Variants in NRXN1 observed in about 807,000 individuals in gnomAD.
NRXN1 encodes the protein neurexin 1.
NRXN1 carries 39 observed loss-of-function variants against 150.9 expected under a neutral mutation model. The observed-to-expected ratio is 0.26, with a 90% confidence interval of 0.20 to 0.34. The LOEUF (loss-of-function observed/expected upper bound fraction) is 0.34, where lower values mean the gene tolerates loss of function less well. NRXN1 is among the 10% of genes least tolerant of loss of function. The pLI is 1.00. For synonymous variants in NRXN1, 924 were observed against 757.0 expected (o/e 1.22, Z -3.62); for missense variants, 1,815 against 1,949.9 (o/e 0.93, Z 1.30).
intron 18 of NRXN1, among the ~76,000 whole-genome samples, chr2:50,191,667 A>G (rs566440471): frequency 6.6e-6 from 1 of 152,316 alleles, no homozygotes; most frequent in South Asian, 2.1e-4. Context: ...ATGTCTTCTA[A>G]CTGGAATCAT....
chr2:50,292,339 T>C (rs2073027884), intron 17 of NRXN1, among the ~76,000 whole-genome samples: 2 of 152,152 alleles, frequency 1.3e-5, no homozygotes, highest in African/African-American at 4.8e-5. Flanking sequence ...AGTTGAGGGG[T>C]TATGACAGAG....
chr2:50,975,838 G>A (rs2104827890), intron 2 of NRXN1, among the ~76,000 whole-genome samples: 1 of 152,126 alleles, frequency 6.6e-6, no homozygotes, highest in Non-Finnish European at 1.5e-5. Context: ...CATGGGAAGG[G>A]CTAACCCAAG....
At chr2:50,256,688 C>T (rs112558052) in intron 17 of NRXN1, among the ~76,000 whole-genome samples, 27 of 152,238 alleles carry the variant, frequency 1.8e-4, no homozygotes, top group South Asian at 6.2e-4. Context: ...AGATAGATAA[C>T]TGCGTAGAGC....
In NRXN1 at chr2:50,278,266, A is replaced by ATATATATATAT. The variant is rs1273517072; in HGVS notation, c.3365-41297_3365-41296insATATATATATA. Among the ~76,000 whole-genome samples, 231 of 92,458 alleles carry ATATATATATAT rather than the reference A, an allele frequency of 2.5e-3. 1 individual carries two copies. The highest frequency in any genetic ancestry group is 9.2e-3 in the African/African-American group (209 of 22,716). 60.7% of individuals were successfully genotyped at this position (92,458 alleles called of 152,430 possible). A position where few individuals can be genotyped will look rare whatever the true frequency, so the allele number is the denominator to read the frequency against. ...AATATATATATATATTATATATATTATATATGTATTATATATATAATACAT... is the reference window on the plus strand; with the variant it reads ...AATATATATATATATTATATATATTATATATATATATTATATGTATTATATATATAATACAT... On this transcript the variant is annotated intron_variant, in intron 17 of 22. Transcript: ENST00000401669.
At chr2:50,488,946 T>A (rs532996811) in intron 15 of NRXN1, among the ~76,000 whole-genome samples, 14 of 152,184 alleles carry the variant, frequency 9.2e-5, no homozygotes, top group Non-Finnish European at 1.3e-4. Flanking sequence ...TGAGGTCTTG[T>A]GAGCAGTCAC....
intron 15 of NRXN1, among the ~76,000 whole-genome samples, chr2:50,493,854 AC>A (rs2091405484): frequency 6.6e-6 from 1 of 152,222 alleles, no homozygotes; most frequent in Non-Finnish European, 1.5e-5. Flanking sequence ...TTAAAAAAAC[AC>A]AAGTACACTG....
rs1695616277 is a variant in NRXN1 at position 50,975,110 on chromosome 2, C to G, written c.773-49155G>C. On this transcript the variant is annotated intron_variant, in intron 2 of 22. Transcript: ENST00000401669. ...CATTTGTCTCATTCACTCTCAACAT[C>G]TTGCAAATGTATACTAGTGTTTTCC... Among the ~76,000 whole-genome samples, 3 of 152,184 alleles carry G rather than the reference C, an allele frequency of 2.0e-5. No homozygotes were observed. In the South Asian group the frequency reaches 6.2e-4, roughly 32 times the overall value.
chr2:50,685,110 T>G (rs1340876406), intron 5 of NRXN1, among the ~76,000 whole-genome samples: 2 of 152,244 alleles, frequency 1.3e-5, no homozygotes, highest in Non-Finnish European at 2.9e-5. Context: ...GTTTATATAC[T>G]AAAACTACAC....
At chr2:50,377,991 C>G (rs2080652441) in intron 17 of NRXN1, among the ~76,000 whole-genome samples, 1 of 152,172 alleles carries the variant, frequency 6.6e-6, no homozygotes, top group African/African-American at 2.4e-5. Context: ...ACAATATCAT[C>G]TAGCTCTCTG....
intron 19 of NRXN1, among the ~76,000 whole-genome samples, chr2:50,062,528 G>C (rs1398022735): frequency 6.6e-6 from 1 of 152,004 alleles, no homozygotes; most frequent in Non-Finnish European, 1.5e-5. Context: ...ACAATATTTG[G>C]TCACATTTTA....
intron 5 of NRXN1, among the ~76,000 whole-genome samples, chr2:50,774,065 A>T (rs1366135112): frequency 6.6e-6 from 1 of 152,130 alleles, no homozygotes; most frequent in Non-Finnish European, 1.5e-5. Context: ...TATCGAATTG[A>T]AATATAATAA....
At chr2:50,344,848 T>TC (rs2152995834) in intron 17 of NRXN1, among the ~76,000 whole-genome samples, 1 of 152,232 alleles carries the variant, frequency 6.6e-6, no homozygotes, top group African/African-American at 2.4e-5. Flanking sequence ...GCCAAGTGCT[T>TC]CCCACTGGCA....
intron 5 of NRXN1, among the ~76,000 whole-genome samples, chr2:50,905,644 A>T (rs1285088723): frequency 1.3e-5 from 2 of 152,144 alleles, no homozygotes; most frequent in African/African-American, 4.8e-5. Flanking sequence ...TTCCCAGTGA[A>T]TCTATCCTCA....
intron 17 of NRXN1, among the ~76,000 whole-genome samples, chr2:50,423,894 G>T (rs1015344865): frequency 3.9e-5 from 6 of 152,228 alleles, no homozygotes; most frequent in Admixed American, 2.6e-4. Context: ...GTAATCGCTG[G>T]TATCTGCCAT....
intron 17 of NRXN1, among the ~76,000 whole-genome samples, chr2:50,456,708 C>T (rs1411937777): frequency 6.6e-6 from 1 of 151,838 alleles, no homozygotes; most frequent in Admixed American, 6.6e-5. Flanking sequence ...TTTTCCCTTC[C>T]CTACAAAAAT....
At chr2:50,683,646 A>AAAAAATATATATATAT in intron 5 of NRXN1, among the ~76,000 whole-genome samples, 1 of 14,906 alleles carries the variant, frequency 6.7e-5, no homozygotes, top group Non-Finnish European at 1.1e-4. Context: ...AAAAAAAAAA[A>AAAAAATATATATATAT]ATATATATAT....
At chr2:50,374,510 T>C (rs1208717196) in intron 17 of NRXN1, among the ~76,000 whole-genome samples, 1 of 152,016 alleles carries the variant, frequency 6.6e-6, no homozygotes, top group Non-Finnish European at 1.5e-5. Flanking sequence ...TGGAAAGTTT[T>C]TGCCAAGTGG....
chr2:50,589,504 G>T (rs6714499), intron 8 of NRXN1: 1 of 118,058 alleles, frequency 8.5e-6, no homozygotes, highest in South Asian at 3.6e-4. Context: ...CCACAGGTGT[G>T]AACCACCATG....
intron 17 of NRXN1, among the ~76,000 whole-genome samples, chr2:50,345,381 C>T (rs997354792): frequency 6.6e-6 from 1 of 152,152 alleles, no homozygotes; most frequent in Non-Finnish European, 1.5e-5. Context: ...AAAGGGCCAT[C>T]CTGGTAGCAC....
Sources: gnomAD v4.1 joint callset for allele counts (sites outside exome capture counted in the v4.1 genomes callset) on GRCh38, gnomAD v4.1.1 for gene constraint, MANE v1.5 for transcripts, NCBI Gene and HGNC (gene_info 2026-07-23, HGNC 2026-07-21) for gene names.